RNF214: variants seen among roughly 807,000 people sequenced by gnomAD.
RNF214 encodes the protein ring finger protein 214.
RNF214 carries 25 observed loss-of-function variants against 75.9 expected under a neutral mutation model. That is an observed-to-expected ratio of 0.33 (90% confidence interval 0.24 to 0.46). The LOEUF (loss-of-function observed/expected upper bound fraction) is 0.46, where lower values mean the gene tolerates loss of function less well. RNF214 is among the 20% of genes least tolerant of loss of function. The probability of loss-of-function intolerance (pLI) is 1.00; values close to 1 mark genes in which losing one functional copy is unlikely to be tolerated. For synonymous variants in RNF214, 314 were observed against 308.8 expected (o/e 1.02, Z -0.18); for missense variants, 725 against 857.5 (o/e 0.85, Z 1.93).
chr11:117,253,946 C>T (rs757102345), intron 6 of RNF214, among the ~76,000 whole-genome samples: 7 of 152,064 alleles, frequency 4.6e-5, no homozygotes, highest in African/African-American at 7.2e-5. Flanking sequence ...AAGCATCACT[C>T]TGGGTGTAAT....
At chr11:117,240,204 T>C (rs1234491304) in intron 4 of RNF214, among the ~76,000 whole-genome samples, 1 of 151,168 alleles carries the variant, frequency 6.6e-6, no homozygotes, top group Admixed American at 6.6e-5. Flanking sequence ...AATACAAAAA[T>C]TAGCCAGGTG....
At chr11:117,279,128 T>C (rs2034075245) in intron 6 of RNF214, among the ~76,000 whole-genome samples, 1 of 152,116 alleles carries the variant, frequency 6.6e-6, no homozygotes, top group African/African-American at 2.4e-5. Context: ...AGTGGACCCC[T>C]GTGTTTGGTC....
chr11:117,263,327 G>C (rs1459809227), intron 6 of RNF214, among the ~76,000 whole-genome samples: 1 of 133,234 alleles, frequency 7.5e-6, no homozygotes, highest in Non-Finnish European at 1.6e-5. Context: ...GTTGGCTGGA[G>C]TGCAGTGGTG....
At chr11:117,267,212 CAG>C (rs1461074793) in intron 6 of RNF214, among the ~76,000 whole-genome samples, 1 of 151,994 alleles carries the variant, frequency 6.6e-6, no homozygotes, top group African/African-American at 2.4e-5. Context: ...ATTTTTGTAA[CAG>C]TGTCTTTTGA....
Position 117,281,884 on chromosome 11 carries a change from T to G in RNF214, c.1336-10T>G. 1 of 1,610,992 alleles carries G rather than the reference T, an allele frequency of 6.2e-7. No individual in the cohort carries two copies. Among genetic ancestry groups the G allele is most frequent in the Non-Finnish European group, 8.5e-7 (1 of 1,177,932 alleles). ...TTTCTCTCTCGTCCTCTACCTCTTC[T>G]CCTCTGCAGACAGACTTCATGCTTC... On this transcript the variant is annotated splice_polypyrimidine_tract_variant and intron_variant, in intron 10 of 14. Coordinates refer to ENST00000300650, the MANE Select transcript of RNF214 (RefSeq NM_207343.4).
intron 6 of RNF214, among the ~76,000 whole-genome samples, chr11:117,277,789 T>TG (rs2034043088): frequency 6.6e-6 from 1 of 151,366 alleles, no homozygotes. Context: ...CTGGCCAACA[T>TG]GGCAAAACCC....
In RNF214 at chr11:117,282,832, T is replaced by C. The variant is rs546175768; in HGVS notation, c.1932T>C (p.Tyr644=). Residue 644 remains tyrosine (Y), a synonymous_variant, in exon 13 of 15, where the codon TAT becomes TAC. Transcript: ENST00000300650. Reference sequence around the variant, plus strand: ...TCTTGCCTTCTGCCCAAGTTTCATATCCTGGAAGGTCTTCACATGTAAGAC... The same window carrying C: ...TCTTGCCTTCTGCCCAAGTTTCATACCCTGGAAGGTCTTCACATGTAAGAC... ...PMFLPSAQVS[Y]PGRSSHAPAT... 2.8e-5 allele frequency: 45 copies of C among 1,613,294 alleles called. No homozygotes were observed. In the South Asian group the frequency reaches 4.9e-4, roughly 18 times the overall value.
intron 5 of RNF214, among the ~76,000 whole-genome samples, chr11:117,244,981 C>A (rs1256313291): frequency 6.6e-6 from 1 of 151,362 alleles, no homozygotes; most frequent in Non-Finnish European, 1.5e-5. Context: ...TTTGAGCCAT[C>A]CATGCCCGGC....
chr11:117,265,745 T>C (rs530406683), intron 6 of RNF214, among the ~76,000 whole-genome samples: 2 of 152,304 alleles, frequency 1.3e-5, no homozygotes, highest in South Asian at 2.1e-4. Context: ...AATCAACTTA[T>C]TTGAGATATA....
At chr11:117,265,701 C>T (rs2033781633) in intron 6 of RNF214, among the ~76,000 whole-genome samples, 1 of 152,162 alleles carries the variant, frequency 6.6e-6, no homozygotes, top group African/African-American at 2.4e-5. Flanking sequence ...AGACGTGAGC[C>T]ACCGCGCCTG....
At chr11:117,246,369 G>A (rs1364194812) in intron 5 of RNF214, among the ~76,000 whole-genome samples, 4 of 151,396 alleles carry the variant, frequency 2.6e-5, no homozygotes, top group Non-Finnish European at 5.9e-5. Context: ...TGTTGTTAAA[G>A]AGTAAAACAA....
chr11:117,261,753 T>C (rs575140510), intron 6 of RNF214, among the ~76,000 whole-genome samples: 5 of 151,278 alleles, frequency 3.3e-5, no homozygotes, highest in South Asian at 2.1e-4. Flanking sequence ...TCAAGCAATT[T>C]TCCTGCCTCA....
intron 6 of RNF214, among the ~76,000 whole-genome samples, chr11:117,277,437 A>G (rs1223739252): frequency 1.3e-5 from 2 of 152,254 alleles, no homozygotes; most frequent in Non-Finnish European, 2.9e-5. Flanking sequence ...TTTCTAATAG[A>G]TGAATATACC....
At chr11:117,263,160 CTG>C (rs1192740378) in intron 6 of RNF214, among the ~76,000 whole-genome samples, 2 of 151,332 alleles carry the variant, frequency 1.3e-5, no homozygotes, top group Admixed American at 1.3e-4. Flanking sequence ...TATTTTGAAA[CTG>C]TATTGTTAGA....
chr11:117,252,154 C>T (rs1430432999), intron 6 of RNF214, among the ~76,000 whole-genome samples: 1 of 152,198 alleles, frequency 6.6e-6, no homozygotes, highest in Non-Finnish European at 1.5e-5. Context: ...CAGGTGTGAG[C>T]CATCCTGCCT....
intron 6 of RNF214, among the ~76,000 whole-genome samples, chr11:117,251,091 G>A (rs1794957585): frequency 6.6e-6 from 1 of 150,916 alleles, no homozygotes; most frequent in Non-Finnish European, 1.5e-5. Flanking sequence ...CCACAAAACC[G>A]CCATTGTCAT....
At chr11:117,239,690 A>C in intron 3 of RNF214, 111 bp from the exon 4 acceptor site, 1 of 687,890 alleles carries the variant, frequency 1.5e-6, no homozygotes, top group Non-Finnish European at 2.6e-6. Context: ...GAAGCTGGTA[A>C]GGGGAAAGAG....
chr11:117,237,365 G>A (rs1401648869), intron 2 of RNF214, among the ~76,000 whole-genome samples: 1 of 152,212 alleles, frequency 6.6e-6, no homozygotes, highest in African/African-American at 2.4e-5. Flanking sequence ...ACAGGCATGA[G>A]CCATTGCTCC....
chr11:117,234,597 T>C (rs1013680988), intron 2 of RNF214, among the ~76,000 whole-genome samples: 12 of 152,204 alleles, frequency 7.9e-5, no homozygotes, highest in Non-Finnish European at 1.5e-4. Flanking sequence ...ATAGAATACA[T>C]GGGGTCAAAC....
Sources: allele counts gnomAD v4.1 joint callset (sites outside exome capture counted in the v4.1 genomes callset), GRCh38; gene constraint gnomAD v4.1.1; transcripts MANE v1.5; gene names NCBI Gene and HGNC (gene_info 2026-07-23, HGNC 2026-07-21).